Variants in ESRRG observed in about 807,000 individuals in gnomAD.
The protein encoded by ESRRG is estrogen-related receptor gamma.
In ESRRG, 13 loss-of-function variants were observed where a neutral mutation model predicts 44.0. The ratio of observed to expected loss-of-function variants is 0.30; its 90% confidence interval spans 0.19 to 0.47. The LOEUF is 0.47. ESRRG is among the 20% of genes least tolerant of loss of function. ESRRG has a pLI of 1.00. For missense variants in ESRRG, 395 were observed against 580.6 expected (o/e 0.68, Z 3.29); for synonymous variants, 215 against 214.6 (o/e 1.00, Z -0.02).
intron 1 of ESRRG, among the ~76,000 whole-genome samples, chr1:217,072,934 G>A (rs2090753249): frequency 6.6e-6 from 1 of 151,972 alleles, no homozygotes; most frequent in Non-Finnish European, 1.5e-5. Flanking sequence ...AATACCCATT[G>A]TCATTCATAT....
chr1:216,750,829 A>G (rs1487199444), intron 2 of ESRRG, among the ~76,000 whole-genome samples: 1 of 152,114 alleles, frequency 6.6e-6, no homozygotes, highest in Non-Finnish European at 1.5e-5. Flanking sequence ...GAGATGCATC[A>G]TCCATTTCCC....
At chr1:216,892,431 G>A (rs541485860) in intron 2 of ESRRG, among the ~76,000 whole-genome samples, 2 of 152,200 alleles carry the variant, frequency 1.3e-5, no homozygotes, top group East Asian at 1.9e-4. Flanking sequence ...TCCCTACAGC[G>A]TTTATATACT....
chr1:216,601,103 G>C (rs750966317), intron 3 of ESRRG, among the ~76,000 whole-genome samples: 1 of 152,172 alleles, frequency 6.6e-6, no homozygotes, highest in Non-Finnish European at 1.5e-5. Context: ...AGCGGGTTGG[G>C]GAGCAAGGCC....
At chr1:216,815,383 G>A (rs193293027) in intron 2 of ESRRG, among the ~76,000 whole-genome samples, 1 of 152,290 alleles carries the variant, frequency 6.6e-6, no homozygotes, top group African/African-American at 2.4e-5. Context: ...ACACAGCTGG[G>A]AGCCAACTGA....
At chr1:216,984,302 C>T (rs2074506835) in intron 1 of ESRRG, among the ~76,000 whole-genome samples, 1 of 152,116 alleles carries the variant, frequency 6.6e-6, no homozygotes, top group South Asian at 2.1e-4. Flanking sequence ...AAAATGCATC[C>T]TTACTACACT....
intron 1 of ESRRG, among the ~76,000 whole-genome samples, chr1:216,943,704 C>T (rs1447507891): frequency 6.6e-6 from 1 of 152,162 alleles, no homozygotes; most frequent in East Asian, 1.9e-4. Flanking sequence ...AAAGGGGAAA[C>T]ACACATATTT....
intron 1 of ESRRG, among the ~76,000 whole-genome samples, chr1:217,088,633 T>C (rs2092241240): frequency 6.6e-6 from 1 of 151,808 alleles, no homozygotes; most frequent in Non-Finnish European, 1.5e-5. Flanking sequence ...AATAAACACA[T>C]ACATAATCAT....
chr1:216,709,677 T>C (rs1472464397), intron 1 of ESRRG, among the ~76,000 whole-genome samples: 10 of 148,992 alleles, frequency 6.7e-5, no homozygotes, highest in Non-Finnish European at 1.5e-5. Flanking sequence ...TTTTTTCCTA[T>C]GTAGGTAGTG....
At chr1:217,062,208 G>A (rs1382575793) in intron 1 of ESRRG, among the ~76,000 whole-genome samples, 6 of 152,174 alleles carry the variant, frequency 3.9e-5, no homozygotes, top group South Asian at 2.1e-4. Context: ...GGAATGTCAC[G>A]CAGGATGCCG....
chr1:216,866,614 C>T (rs1559918639), intron 2 of ESRRG, among the ~76,000 whole-genome samples: 3 of 151,210 alleles, frequency 2.0e-5, no homozygotes, highest in African/African-American at 7.3e-5. Context: ...CTCCATCACT[C>T]AGCTGGAGTG....
intron 1 of ESRRG, among the ~76,000 whole-genome samples, chr1:216,716,983 T>G (rs921433498): frequency 6.6e-6 from 1 of 151,874 alleles, no homozygotes; most frequent in African/African-American, 2.4e-5. Flanking sequence ...TTGTTTTGCC[T>G]CAGTAAGTTA....
chr1:216,645,455 G>T (rs921631621), intron 3 of ESRRG, among the ~76,000 whole-genome samples: 1 of 151,930 alleles, frequency 6.6e-6, no homozygotes, highest in Non-Finnish European at 1.5e-5. Context: ...CAGATTTGAA[G>T]GGTTAAGAAA....
intron 5 of ESRRG, among the ~76,000 whole-genome samples, chr1:216,536,651 T>A (rs2051057377): frequency 1.3e-5 from 2 of 152,086 alleles, no homozygotes; most frequent in Admixed American, 6.6e-5. Context: ...AGGGCCCAAT[T>A]TACTTTTCTT....
chr1:216,677,636 G>A (rs2076335586), intron 1 of ESRRG, 145 bp from the exon 2 acceptor site: 3 of 696,742 alleles, frequency 4.3e-6, no homozygotes, highest in Non-Finnish European at 7.1e-6. Context: ...GAATTCATAT[G>A]TTAAAGACAT....
At chr1:216,820,620 C>A (rs184978428) in intron 2 of ESRRG, among the ~76,000 whole-genome samples, 3 of 152,256 alleles carry the variant, frequency 2.0e-5, no homozygotes, top group Admixed American at 1.3e-4. Context: ...ATGTGTCAAC[C>A]CACAGCAGGT....
chr1:217,052,846 T>C (rs2086294760), intron 1 of ESRRG, among the ~76,000 whole-genome samples: 1 of 152,166 alleles, frequency 6.6e-6, no homozygotes, highest in African/African-American at 2.4e-5. Context: ...ATCTTGCATC[T>C]TCCAGCCAGA....
intron 6 of ESRRG, among the ~76,000 whole-genome samples, chr1:216,516,196 CTG>C: frequency 6.6e-6 from 1 of 152,136 alleles, no homozygotes; most frequent in Non-Finnish European, 1.5e-5. Context: ...TTAAATGAGA[CTG>C]TAAGTTTCTT....
At chr1:216,850,128 T>C (rs1476152569) in intron 2 of ESRRG, among the ~76,000 whole-genome samples, 2 of 152,126 alleles carry the variant, frequency 1.3e-5, no homozygotes, top group Admixed American at 6.6e-5. Flanking sequence ...AGACTTCAAA[T>C]AGAAATATAT....
At chr1:217,084,185 C>T (rs909342218) in intron 1 of ESRRG, among the ~76,000 whole-genome samples, 2 of 149,228 alleles carry the variant, frequency 1.3e-5, no homozygotes, top group African/African-American at 4.9e-5. Context: ...AGGGAGGGAA[C>T]TCTGACAATA....
Sources: allele counts gnomAD v4.1 joint callset (sites outside exome capture counted in the v4.1 genomes callset), GRCh38; gene constraint gnomAD v4.1.1; transcripts MANE v1.5; gene names NCBI Gene and HGNC (gene_info 2026-07-23, HGNC 2026-07-21).